Variants in LRMDA observed in about 807,000 individuals in gnomAD.
The protein encoded by LRMDA is leucine rich melanocyte differentiation associated.
In LRMDA, 18 loss-of-function variants were observed where a neutral mutation model predicts 29.8. The observed-to-expected ratio is 0.60, with a 90% confidence interval of 0.42 to 0.90. LRMDA has a LOEUF of 0.90. Ranked by LOEUF, LRMDA falls within the 40% of genes least tolerant of loss-of-function variation. LRMDA has a pLI of 0.00. For synonymous variants in LRMDA, 125 were observed against 109.4 expected, an observed-to-expected ratio of 1.14 and a Z score of -0.89; for missense variants, 273 against 273.9, an observed-to-expected ratio of 1.00 and a Z score of 0.02.
At chr10:75,453,046 G>A (rs1161746367) in intron 2 of LRMDA, among the ~76,000 whole-genome samples, 1 of 152,154 alleles carries the variant, frequency 6.6e-6, no homozygotes, top group Non-Finnish European at 1.5e-5. Context: ...GGCTGGAGGG[G>A]TAATGTTACC....
At chr10:75,705,461 T>C (rs1334919179) in intron 2 of LRMDA, among the ~76,000 whole-genome samples, 1 of 152,190 alleles carries the variant, frequency 6.6e-6, no homozygotes, top group Non-Finnish European at 1.5e-5. Flanking sequence ...AATGGGTCTT[T>C]GGAACATTAA....
intron 2 of LRMDA, among the ~76,000 whole-genome samples, chr10:75,679,547 G>T (rs1239664257): frequency 1.3e-5 from 2 of 152,158 alleles, no homozygotes; most frequent in African/African-American, 4.8e-5. Context: ...TCTGGGGCTG[G>T]CCATGCATCT....
At chr10:76,519,655 G>C (rs182380622) in intron 6 of LRMDA, among the ~76,000 whole-genome samples, 2 of 152,286 alleles carry the variant, frequency 1.3e-5, no homozygotes, top group Admixed American at 6.5e-5. Context: ...AACAGAGTGT[G>C]AGAGCATTCA....
At chr10:76,409,031 C>G (rs1172275710) in intron 6 of LRMDA, among the ~76,000 whole-genome samples, 1 of 152,174 alleles carries the variant, frequency 6.6e-6, no homozygotes, top group African/African-American at 2.4e-5. Context: ...CTCATTACTA[C>G]CATCTGGAGA....
At chr10:76,070,708 T>TAC in intron 5 of LRMDA, among the ~76,000 whole-genome samples, 1 of 152,092 alleles carries the variant, frequency 6.6e-6, no homozygotes, top group Non-Finnish European at 1.5e-5. Context: ...AATGAAATAC[T>TAC]TCTGCTCTTC....
At chr10:75,985,686 C>T (rs914646733) in intron 2 of LRMDA, among the ~76,000 whole-genome samples, 1 of 152,196 alleles carries the variant, frequency 6.6e-6, no homozygotes, top group Admixed American at 6.5e-5. Context: ...GTTTCTGTGC[C>T]TGCCTGGAGC....
At chr10:75,613,879 C>T (rs1303082996) in intron 2 of LRMDA, among the ~76,000 whole-genome samples, 5 of 152,120 alleles carry the variant, frequency 3.3e-5, no homozygotes, top group Non-Finnish European at 5.9e-5. Flanking sequence ...TCATTAAAGC[C>T]GCCTGAGCTT....
At chr10:75,851,826 A>T (rs1219611109) in intron 2 of LRMDA, among the ~76,000 whole-genome samples, 1 of 152,200 alleles carries the variant, frequency 6.6e-6, no homozygotes, top group African/African-American at 2.4e-5. Context: ...AAGGCCCTTC[A>T]CTTAGAAAGC....
intron 6 of LRMDA, among the ~76,000 whole-genome samples, chr10:76,548,437 C>T (rs1843447831): frequency 1.6e-5 from 2 of 126,140 alleles, no homozygotes; most frequent in South Asian, 2.6e-4. Flanking sequence ...CAGGCTTCAT[C>T]TTTGGCTTGG....
intron 6 of LRMDA, among the ~76,000 whole-genome samples, chr10:76,392,204 C>T (rs1258556813): frequency 6.6e-6 from 1 of 152,066 alleles, no homozygotes; most frequent in South Asian, 2.1e-4. Flanking sequence ...CCAATATTAT[C>T]TCGGTAATCC....
chr10:75,467,131 G>T (rs1022541293), intron 2 of LRMDA, among the ~76,000 whole-genome samples: 1 of 152,172 alleles, frequency 6.6e-6, no homozygotes, highest in Non-Finnish European at 1.5e-5. Flanking sequence ...GTACGACGAC[G>T]TGGACATATG....
chr10:75,666,519 A>G (rs937178925), intron 2 of LRMDA, among the ~76,000 whole-genome samples: 3 of 152,188 alleles, frequency 2.0e-5, no homozygotes, highest in Admixed American at 1.3e-4. Context: ...CTTGTGATAC[A>G]TTACTCCTTG....
At chr10:76,062,055 T>C (rs1196273801) in intron 5 of LRMDA, among the ~76,000 whole-genome samples, 1 of 152,180 alleles carries the variant, frequency 6.6e-6, no homozygotes, top group African/African-American at 2.4e-5. Context: ...TACATATGCA[T>C]GTTCTGGGAG....
intron 6 of LRMDA, among the ~76,000 whole-genome samples, chr10:76,426,941 G>A (rs562480238): frequency 1.7e-3 from 255 of 152,194 alleles, no homozygotes; most frequent in African/African-American, 5.5e-3. Flanking sequence ...TCTGAGGGCT[G>A]TGTTCTGTTC....
intron 5 of LRMDA, among the ~76,000 whole-genome samples, chr10:76,306,385 C>T (rs1472622095): frequency 6.6e-6 from 1 of 152,206 alleles, no homozygotes; most frequent in East Asian, 1.9e-4. Flanking sequence ...TGTTGAATTG[C>T]TAAGCAGAGA....
chr10:76,272,951 C>T (rs719188), intron 5 of LRMDA, among the ~76,000 whole-genome samples: 61,699 of 151,952 alleles, frequency 0.41, 12,975 homozygotes, highest in South Asian at 0.6. Context: ...CACCTCCCAC[C>T]GGGTCCCTCC....
chr10:76,419,341 T>C (rs1842050353), intron 6 of LRMDA, among the ~76,000 whole-genome samples: 1 of 152,114 alleles, frequency 6.6e-6, no homozygotes. Flanking sequence ...TCATACAGCA[T>C]GTATCCTTTT....
At chr10:76,294,965 A>G (rs1045035255) in intron 5 of LRMDA, among the ~76,000 whole-genome samples, 20 of 152,184 alleles carry the variant, frequency 1.3e-4, no homozygotes, top group African/African-American at 4.8e-4. Context: ...TTCATGTTTT[A>G]GGAAAACCAG....
chr10:75,709,230 T>G (rs1842406440), intron 2 of LRMDA, among the ~76,000 whole-genome samples: 1 of 152,228 alleles, frequency 6.6e-6, no homozygotes. Flanking sequence ...TGAAATTAAA[T>G]TTTTAAAGAG....
Sources: allele counts gnomAD v4.1 joint callset (sites outside exome capture counted in the v4.1 genomes callset), GRCh38; gene constraint gnomAD v4.1.1; transcripts MANE v1.5; gene names NCBI Gene and HGNC (gene_info 2026-07-23, HGNC 2026-07-21).